The following PCLO variants were observed in gnomAD, a reference collection of about 807,000 sequenced individuals.
The protein encoded by PCLO is piccolo presynaptic cytomatrix protein.
Under a neutral mutation model 427.5 loss-of-function variants are expected in PCLO, and 82 were observed. The ratio of observed to expected loss-of-function variants is 0.19; its 90% CI spans 0.16 to 0.23. The LOEUF is 0.23. Ranked by LOEUF, PCLO falls within the 10% of genes least tolerant of loss-of-function variation. The probability of loss-of-function intolerance (pLI) is 1.00; values close to 1 mark genes in which losing one functional copy is unlikely to be tolerated. For missense variants in PCLO, 6,239 were observed against 6,115.9 expected, an observed-to-expected ratio of 1.02 and a Z score of -0.67; for synonymous variants, 2,357 against 2,155.4, an observed-to-expected ratio of 1.09 and a Z score of -2.59.
At chr7:82,867,773 T>A (rs1462779464) in intron 10 of PCLO, among the ~76,000 whole-genome samples, 1 of 152,196 alleles carries the variant, frequency 6.6e-6, no homozygotes, top group African/African-American at 2.4e-5. Context: ...GTTTCCTTCA[T>A]GTCCCTATCA....
intron 10 of PCLO, among the ~76,000 whole-genome samples, chr7:82,855,419 C>T (rs954700340): frequency 2.6e-5 from 4 of 152,096 alleles, no homozygotes; most frequent in Non-Finnish European, 5.9e-5. Context: ...TCAACTTATG[C>T]CAACTAAGCC....
chr7:82,942,400 G>A (rs2116387473), intron 6 of PCLO, among the ~76,000 whole-genome samples: 1 of 152,150 alleles, frequency 6.6e-6, no homozygotes, highest in Non-Finnish European at 1.5e-5. Flanking sequence ...TTAGAATCAT[G>A]TTAATTTGCA....
intron 13 of PCLO, among the ~76,000 whole-genome samples, chr7:82,843,574 T>C (rs1431203572): frequency 6.6e-6 from 1 of 151,848 alleles, no homozygotes; most frequent in Non-Finnish European, 1.5e-5. Context: ...TTCAGAGGAA[T>C]GAAGAGTAGA....
chr7:82,855,658 C>T (rs1792783988), intron 10 of PCLO, among the ~76,000 whole-genome samples: 1 of 152,068 alleles, frequency 6.6e-6, no homozygotes, highest in African/African-American at 2.4e-5. Flanking sequence ...GGTGAGTAAA[C>T]AGTGACAGAA....
In PCLO at chr7:83,135,077, C is replaced by A; in HGVS notation, c.2473G>T (p.Ala825Ser). ...TGTGAAATAATTTTTGAATCTGATG[C>A]AGGTCGAGGTATGGCTTTAGAATCA... The part of the protein sequence containing the change: ...PFDSKAIPRP[A>S]SDSKIISHPG... The change falls in exon 3 of 25, where the codon GCA becomes TCA. Residue 825 changes from alanine to serine, a missense_variant. Physicochemically the swap from Ala to Ser is moderately conservative, Grantham distance 99. Around this residue, in one of 5 missense-constraint regions of PCLO, gnomAD observed 4,677 missense variants for 4,468.4 expected, o/e 1.05. Coordinates refer to ENST00000333891, the MANE Select transcript of PCLO (RefSeq NM_033026.6). 6.2e-7 allele frequency: 1 copy of A among 1,613,848 alleles called. No homozygotes were observed. Among genetic ancestry groups the A allele is most frequent in the African/African-American group, 1.3e-5 (1 of 74,994 alleles).
chr7:83,084,130 A>G (rs10261664), intron 3 of PCLO, among the ~76,000 whole-genome samples: 34,977 of 151,990 alleles, frequency 0.23, 4,564 homozygotes, highest in East Asian at 0.56. Flanking sequence ...TAGACCATCT[A>G]TCAATGAAAG....
chr7:82,981,739 C>T (rs1243975760), intron 3 of PCLO, among the ~76,000 whole-genome samples: 1 of 152,058 alleles, frequency 6.6e-6, no homozygotes, highest in African/African-American at 2.4e-5. Context: ...TATTACATTG[C>T]TTCATCTTTA....
At chr7:83,009,538 A>G (rs1010010805) in intron 3 of PCLO, among the ~76,000 whole-genome samples, 2 of 151,896 alleles carry the variant, frequency 1.3e-5, no homozygotes, top group African/African-American at 4.8e-5. Context: ...CTGTGGCCTG[A>G]AAGTACATAA....
In PCLO at chr7:83,134,482, G is replaced by C. The variant is rs374504142; in HGVS notation, c.3068C>G (p.Thr1023Arg). The C allele has an allele frequency of 1.6e-5, 26 of 1,613,094 alleles. No individual in the cohort carries two copies. The African/African-American group carries it at 3.3e-4, about 21-fold the overall frequency. ...EQAPTVKRTE[T>R]EKKPPPIKDS... is the part of the protein sequence containing the mutation. Reference sequence around the variant, plus strand: ...CTTAATAGGTGGTGGCTTTTTTTCTGTTTCTGTTCTTTTTACTGTTGGAGC... The same window carrying C: ...CTTAATAGGTGGTGGCTTTTTTTCTCTTTCTGTTCTTTTTACTGTTGGAGC... Residue 1023 changes from threonine (T) to arginine (R), a missense_variant, in exon 3 of 25, where the codon ACA becomes AGA. Transcript: ENST00000333891.
At chr7:83,099,671 G>A (rs1360359178) in intron 3 of PCLO, among the ~76,000 whole-genome samples, 1 of 152,088 alleles carries the variant, frequency 6.6e-6, no homozygotes, top group Admixed American at 6.5e-5. Flanking sequence ...GATTACAGGC[G>A]TGAGCCACTG....
Position 82,915,224 on chromosome 7 carries a change from T to C in PCLO, c.12762A>G (p.Lys4254=), listed in dbSNP as rs1216377906. The part of the protein sequence containing the change: ...GLRKNITDQQ[K]FMGSSLGTGL... ...CTGTGCCAAGAGAAGATCCCATAAA[T>C]TTTTGTTGGTCTGTAATATTTTTTC... Residue 4254 remains lysine, a synonymous_variant, in exon 7 of 25, where the codon AAA becomes AAG. Coordinates refer to ENST00000333891, the MANE Select transcript of PCLO (RefSeq NM_033026.6). 1.9e-6 allele frequency: 3 copies of C among 1,613,072 alleles called. No individual in the cohort carries two copies. In the South Asian group the frequency reaches 3.3e-5, roughly 18 times the overall value.
At position 82,956,317 on chromosome 7, in the gene PCLO, T is replaced by C; in HGVS notation, c.4636A>G (p.Ser1546Gly). 6.2e-7 allele frequency: 1 copy of C among 1,613,144 alleles called. No homozygotes were observed. Among genetic ancestry groups the C allele is most frequent in the Non-Finnish European group, 8.5e-7 (1 of 1,179,878 alleles). Residue 1546 changes from serine to glycine, a missense_variant, in exon 5 of 25, where the codon AGC (serine) becomes GGC (glycine). Around this residue, in one of 5 missense-constraint regions of PCLO, gnomAD observed 4,677 missense variants for 4,468.4 expected, o/e 1.05. Transcript: ENST00000333891. ...SSSDEYKQED[S>G]QGSGEEEDFI... is the part of the protein sequence containing the mutation. ...TCCTCCTCTTCCCCTGATCCTTGGC[T>C]GTCTTCCTGTTTATACTCATCACTG...
chr7:82,770,031 T>C (rs1431047764), intron 22 of PCLO, among the ~76,000 whole-genome samples: 1 of 152,132 alleles, frequency 6.6e-6, no homozygotes, highest in Non-Finnish European at 1.5e-5. Context: ...AATGCCCTAC[T>C]AGCTGTTAAT....
chr7:82,783,942 T>C (rs1353800172), intron 22 of PCLO, among the ~76,000 whole-genome samples: 1 of 151,530 alleles, frequency 6.6e-6, no homozygotes, highest in East Asian at 1.9e-4. Flanking sequence ...GTATTACATG[T>C]ATGTATATAT....
intron 20 of PCLO, among the ~76,000 whole-genome samples, chr7:82,806,929 T>C (rs1039809550): frequency 1.5e-4 from 23 of 148,808 alleles, no homozygotes; most frequent in Admixed American, 1.1e-3. Context: ...GCTTAAATAG[T>C]CTTTGACAAT....
chr7:83,106,746 A>T (rs1033656368), intron 3 of PCLO, among the ~76,000 whole-genome samples: 11 of 152,148 alleles, frequency 7.2e-5, no homozygotes, highest in African/African-American at 1.7e-4. Flanking sequence ...AAAAAATTTA[A>T]CTAAGTCAAC....
intron 20 of PCLO, among the ~76,000 whole-genome samples, chr7:82,811,953 A>G (rs1189628459): frequency 6.6e-6 from 1 of 151,390 alleles, no homozygotes; most frequent in Non-Finnish European, 1.5e-5. Context: ...TAAACAATAT[A>G]TCTATTATAA....
At chr7:83,141,074 A>G (rs1425825569) in intron 2 of PCLO, among the ~76,000 whole-genome samples, 1 of 152,230 alleles carries the variant, frequency 6.6e-6, no homozygotes, top group Non-Finnish European at 1.5e-5. Context: ...GATTCACAGA[A>G]GATGGCTTCC....
At position 83,038,037 on chromosome 7, in the gene PCLO, A is replaced by ATATATATC. The variant is rs1313000516; in HGVS notation, c.3301-71551_3301-71550insGATATATA. Among the ~76,000 whole-genome samples the ATATATATC allele has an allele frequency of 2.7e-4, 9 of 33,824 alleles. 1 individual carries two copies. The highest frequency in any genetic ancestry group is 9.2e-4 in the African/African-American group (7 of 7,572). The allele number at this position is 33,824 out of a possible 152,430, so 22.2% of individuals were successfully genotyped here. A position where few individuals can be genotyped will look rare whatever the true frequency, so the allele number is the denominator to read the frequency against. On this transcript the variant is annotated intron_variant, in intron 3 of 24. Coordinates refer to ENST00000333891, the MANE Select transcript of PCLO (RefSeq NM_033026.6). ...TATATATATATATATATATTTATAT[A>ATATATATC]TTTATATATATATCTTTATATATAT... is the stretch of plus-strand genomic sequence containing the variant.
Sources: allele counts gnomAD v4.1 joint callset (sites outside exome capture counted in the v4.1 genomes callset), GRCh38; gene constraint gnomAD v4.1.1; regional missense constraint gnomAD v4.1.1; transcripts MANE v1.5; gene names NCBI Gene and HGNC (gene_info 2026-07-23, HGNC 2026-07-21).